SEMA3A: variants seen among roughly 807,000 people sequenced by gnomAD.
The protein encoded by SEMA3A is semaphorin-3A.
SEMA3A carries 29 observed loss-of-function variants against 97.9 expected under a neutral mutation model. The ratio of observed to expected loss-of-function variants is 0.30; its 90% CI spans 0.22 to 0.40. SEMA3A has a LOEUF of 0.40. Among genes scored for constraint, SEMA3A ranks in the 10% least tolerant of loss-of-function variants. The pLI is 1.00. For missense variants in SEMA3A, 763 were observed against 951.3 expected (o/e 0.80, Z 2.60); for synonymous variants, 321 against 323.7 (o/e 0.99, Z 0.09).
intron 1 of SEMA3A, among the ~76,000 whole-genome samples, chr7:84,192,833 T>G (rs936600404): frequency 3.9e-5 from 6 of 151,944 alleles, no homozygotes; most frequent in African/African-American, 1.4e-4. Context: ...CTAAAAGTAT[T>G]ACAAATAGCC....
chr7:84,284,168 G>A (rs546283054), intron 3 of SEMA3A, among the ~76,000 whole-genome samples: 1 of 152,150 alleles, frequency 6.6e-6, no homozygotes, highest in African/African-American at 2.4e-5. Context: ...TATATTTAAA[G>A]GAAATTTGAG....
intron 4 of SEMA3A, among the ~76,000 whole-genome samples, chr7:84,062,012 T>A (rs2115692048): frequency 6.6e-6 from 1 of 152,316 alleles, no homozygotes; most frequent in East Asian, 1.9e-4. Flanking sequence ...TCTCTGAGCC[T>A]CTGGTCCTAA....
At position 84,066,733 on chromosome 7, in the gene SEMA3A, C is replaced by G. The variant is rs555740456; in HGVS notation, c.454-6175G>C. Among the ~76,000 whole-genome samples the G allele has an allele frequency of 4.1e-4, 63 of 151,826 alleles. 1 individual carries two copies. In the East Asian group the frequency reaches 0.011, roughly 27 times the overall value. ...TTACAAAGGATGTGAAGGACCTCTT[C>G]AAGGAGAACTACAAACCACTGCTCA... On this transcript the variant is annotated intron_variant, in intron 4 of 16. Coordinates refer to ENST00000265362, the MANE Select transcript of SEMA3A (RefSeq NM_006080.3).
At chr7:84,381,539 A>T (rs1803259790) in intron 1 of SEMA3A, among the ~76,000 whole-genome samples, 1 of 152,158 alleles carries the variant, frequency 6.6e-6, no homozygotes, top group African/African-American at 2.4e-5. Flanking sequence ...AGAAACCTAA[A>T]TGTTTAACAA....
At chr7:84,316,969 A>G (rs766320001) in intron 2 of SEMA3A, among the ~76,000 whole-genome samples, 3 of 151,780 alleles carry the variant, frequency 2.0e-5, no homozygotes, top group Non-Finnish European at 4.4e-5. Flanking sequence ...GATAACAGCA[A>G]AAACATTTTT....
At chr7:84,053,216 T>C (rs1292988163) in intron 5 of SEMA3A, among the ~76,000 whole-genome samples, 1 of 113,082 alleles carries the variant, frequency 8.8e-6, no homozygotes, top group African/African-American at 2.7e-5. Flanking sequence ...GTTCTGTAGA[T>C]GTCTATTAGG....
chr7:84,471,491 A>G (rs916064277), intron 1 of SEMA3A, among the ~76,000 whole-genome samples: 1 of 152,094 alleles, frequency 6.6e-6, no homozygotes, highest in African/African-American at 2.4e-5. Context: ...TTGTCTTTCT[A>G]TGGCATAACT....
chr7:84,094,699 G>A (rs192136393), intron 4 of SEMA3A, among the ~76,000 whole-genome samples: 278 of 151,986 alleles, frequency 1.8e-3, no homozygotes, highest in African/African-American at 6.2e-3. Flanking sequence ...ACCCACCACC[G>A]CTAACAACTA....
chr7:83,977,774 T>C (rs1433237649), intron 14 of SEMA3A, among the ~76,000 whole-genome samples: 16 of 150,866 alleles, frequency 1.1e-4, no homozygotes, highest in Non-Finnish European at 1.5e-5. Context: ...TCTTGGTTAT[T>C]GTATCAACCT....
At chr7:84,420,125 T>A (rs1279312211) in intron 1 of SEMA3A, among the ~76,000 whole-genome samples, 1 of 151,876 alleles carries the variant, frequency 6.6e-6, no homozygotes, top group African/African-American at 2.4e-5. Flanking sequence ...ATTCAAATAT[T>A]CAGATTTGGA....
At chr7:84,478,228 A>T (rs907727607) in intron 1 of SEMA3A, among the ~76,000 whole-genome samples, 1 of 152,276 alleles carries the variant, frequency 6.6e-6, no homozygotes, top group African/African-American at 2.4e-5. Context: ...ATTAGTATCA[A>T]GTTGCTTTCC....
intron 1 of SEMA3A, among the ~76,000 whole-genome samples, chr7:84,384,661 T>G (rs1387991211): frequency 6.6e-6 from 1 of 152,152 alleles, no homozygotes; most frequent in Non-Finnish European, 1.5e-5. Context: ...TGTCATCTCT[T>G]GTCCTAACTT....
chr7:84,000,638 A>C (rs564712600), intron 12 of SEMA3A, among the ~76,000 whole-genome samples: 1 of 152,202 alleles, frequency 6.6e-6, no homozygotes, highest in African/African-American at 2.4e-5. Flanking sequence ...GGGATGGTTT[A>C]AGTGTTCCAA....
chr7:84,136,407 T>C (rs1210615949), intron 1 of SEMA3A, among the ~76,000 whole-genome samples: 3 of 152,172 alleles, frequency 2.0e-5, no homozygotes, highest in Non-Finnish European at 4.4e-5. Context: ...GCACTAAAGG[T>C]CAGGTCACTA....
chr7:84,311,255 T>C (rs1412914254), intron 2 of SEMA3A, among the ~76,000 whole-genome samples: 1 of 151,920 alleles, frequency 6.6e-6, no homozygotes, highest in Non-Finnish European at 1.5e-5. Context: ...TGCTTCCATA[T>C]CCTCAGTGAA....
intron 13 of SEMA3A, among the ~76,000 whole-genome samples, chr7:83,982,722 T>C (rs1453506129): frequency 6.6e-6 from 1 of 152,138 alleles, no homozygotes; most frequent in Non-Finnish European, 1.5e-5. Flanking sequence ...TACTACACAT[T>C]TTCTAATAGT....
At position 84,083,219 on chromosome 7, in the gene SEMA3A, TAC is replaced by T. The variant is rs531524585; in HGVS notation, c.454-22663_454-22662del. On this transcript the variant is annotated intron_variant, in intron 4 of 16. Coordinates refer to ENST00000265362, the MANE Select transcript of SEMA3A (RefSeq NM_006080.3). ...GATGGTTTATTTGTACATATATATATACACACACACGTATTTGTACTTTACTA... is the reference window on the plus strand; with the variant it reads ...GATGGTTTATTTGTACATATATATATACACACACGTATTTGTACTTTACTA... Among the ~76,000 whole-genome samples the T allele has an allele frequency of 7.7e-3, 1,162 of 151,518 alleles. 12 individuals carry two copies. The highest frequency in any genetic ancestry group is 0.027 in the African/African-American group (1,099 of 41,466).
chr7:84,411,479 C>G (rs1191275372), intron 1 of SEMA3A, among the ~76,000 whole-genome samples: 2 of 151,686 alleles, frequency 1.3e-5, no homozygotes, highest in East Asian at 3.9e-4. Flanking sequence ...ATCAGCCTAA[C>G]CAGTCTTTTG....
chr7:84,039,588 G>T (rs2116483559), intron 6 of SEMA3A, among the ~76,000 whole-genome samples: 1 of 152,188 alleles, frequency 6.6e-6, no homozygotes, highest in South Asian at 2.1e-4. Flanking sequence ...GGTCACTTAG[G>T]ATTAGATGAT....
Sources: allele counts gnomAD v4.1 joint callset (sites outside exome capture counted in the v4.1 genomes callset), GRCh38; gene constraint gnomAD v4.1.1; transcripts MANE v1.5; gene names NCBI Gene and HGNC (gene_info 2026-07-23, HGNC 2026-07-21).